KATNIP: variants seen among roughly 807,000 people sequenced by gnomAD.
KATNIP encodes the protein katanin-interacting protein.
In KATNIP, 126 loss-of-function variants were observed where a neutral mutation model predicts 174.0. That is an observed-to-expected ratio of 0.72 (90% CI 0.63 to 0.84). The LOEUF (loss-of-function observed/expected upper bound fraction) is 0.84, where lower values mean the gene tolerates loss of function less well. Ranked by LOEUF, KATNIP falls within the 40% of genes least tolerant of loss-of-function variation. The pLI, the probability that KATNIP is intolerant of heterozygous loss-of-function variation, is 0.00. For synonymous variants in KATNIP, 810 were observed against 835.7 expected, an observed-to-expected ratio of 0.97 and a Z score of 0.53; for missense variants, 1,958 against 2,109.7, an observed-to-expected ratio of 0.93 and a Z score of 1.41.
chr16:27,625,533 T>C (rs985858817), intron 3 of KATNIP, among the ~76,000 whole-genome samples: 4 of 152,262 alleles, frequency 2.6e-5, no homozygotes, highest in African/African-American at 9.6e-5. Flanking sequence ...TGTCTCTTAG[T>C]TACTTGTGTT....
intron 13 of KATNIP, among the ~76,000 whole-genome samples, chr16:27,715,913 C>T (rs1046871172): frequency 3.3e-5 from 5 of 151,766 alleles, no homozygotes; most frequent in Non-Finnish European, 7.4e-5. Context: ...TGTAGGGTTA[C>T]CCATGACCTA....
chr16:27,677,285 T>G (rs1428180854), intron 6 of KATNIP, among the ~76,000 whole-genome samples: 4 of 152,176 alleles, frequency 2.6e-5, no homozygotes, highest in Non-Finnish European at 5.9e-5. Context: ...GAGTTCATAT[T>G]TCAAAGTGTG....
intron 14 of KATNIP, among the ~76,000 whole-genome samples, chr16:27,723,622 TTGA>T (rs535771914): frequency 1.1e-3 from 160 of 152,274 alleles, no homozygotes; most frequent in African/African-American, 3.6e-3. Flanking sequence ...AAATACGTGG[TTGA>T]TGAATGAATG....
At chr16:27,639,955 G>C (rs1161660748) in intron 5 of KATNIP, among the ~76,000 whole-genome samples, 5 of 152,240 alleles carry the variant, frequency 3.3e-5, no homozygotes, top group Non-Finnish European at 7.3e-5. Flanking sequence ...CGTACCTCTA[G>C]AGGGAGCCAT....
At chr16:27,695,956 C>T (rs1243861836) in intron 8 of KATNIP, among the ~76,000 whole-genome samples, 1 of 152,034 alleles carries the variant, frequency 6.6e-6, no homozygotes, top group Non-Finnish European at 1.5e-5. Context: ...CAAATGGAAG[C>T]CTTCATATAA....
Position 27,773,196 on chromosome 16 carries a change from C to T in KATNIP, c.4296C>T (p.Pro1432=), listed in dbSNP as rs868099628. 5.6e-6 allele frequency: 9 copies of T among 1,608,208 alleles called. No individual in the cohort carries two copies. Among genetic ancestry groups the T allele is most frequent in the Middle Eastern group, 1.7e-4 (1 of 6,020 alleles). The change falls in exon 23 of 28, where the codon CCC becomes CCT. Residue 1432 remains proline, a synonymous_variant. Transcript: ENST00000261588. ...ELYDERGEKI[P]LSENNIAAFP... The stretch of plus-strand genomic sequence containing the variant: ...ATGACGAGCGAGGAGAAAAAATCCC[C>T]TTGTCGGAAAACAGTATCCTTTGTA...
intron 6 of KATNIP, among the ~76,000 whole-genome samples, chr16:27,661,955 TACACATAC>T (rs1291489310): frequency 1.7e-4 from 7 of 41,492 alleles, no homozygotes; most frequent in African/African-American, 2.4e-4. Flanking sequence ...TATATATATA[TACACATAC>T]ATATATATAT....
chr16:27,560,142 C>T (rs1596712374), intron 1 of KATNIP, among the ~76,000 whole-genome samples: 1 of 151,550 alleles, frequency 6.6e-6, no homozygotes, highest in Admixed American at 6.6e-5. Context: ...ATTAGCCGGG[C>T]GTGGTGGCGG....
intron 3 of KATNIP, among the ~76,000 whole-genome samples, chr16:27,625,881 T>C (rs953034134): frequency 6.7e-6 from 1 of 149,772 alleles, no homozygotes; most frequent in Non-Finnish European, 1.5e-5. Flanking sequence ...ACAAGGTCTC[T>C]GTCTGTCACC....
chr16:27,673,802 G>A (rs1459224386), intron 6 of KATNIP, among the ~76,000 whole-genome samples: 1 of 152,180 alleles, frequency 6.6e-6, no homozygotes, highest in East Asian at 1.9e-4. Context: ...TTTTATGGAT[G>A]TCAAGATGCA....
intron 1 of KATNIP, among the ~76,000 whole-genome samples, chr16:27,561,481 C>T (rs1030609892): frequency 6.6e-6 from 1 of 152,138 alleles, no homozygotes; most frequent in Non-Finnish European, 1.5e-5. Flanking sequence ...AGTGAAGTCA[C>T]TTTCTCTCCC....
intron 2 of KATNIP, among the ~76,000 whole-genome samples, chr16:27,600,831 G>A (rs547483978): frequency 3.3e-5 from 5 of 151,914 alleles, no homozygotes; most frequent in East Asian, 1.9e-4. Context: ...CCAGATTCAA[G>A]CGATTCTCCT....
intron 6 of KATNIP, among the ~76,000 whole-genome samples, chr16:27,657,226 T>C (rs1009472870): frequency 2.6e-5 from 4 of 151,990 alleles, no homozygotes; most frequent in African/African-American, 9.7e-5. Flanking sequence ...GTGTACATAT[T>C]GAGAAGGAAA....
intron 14 of KATNIP, chr16:27,727,380 C>T (rs2080491059): frequency 1.3e-5 from 2 of 152,952 alleles, no homozygotes; most frequent in Non-Finnish European, 2.9e-5. Context: ...TAGAGATAGG[C>T]TGGTCTCAAA....
chr16:27,553,084 G>T (rs1010494080), intron 1 of KATNIP, among the ~76,000 whole-genome samples: 1 of 152,152 alleles, frequency 6.6e-6, no homozygotes, highest in Non-Finnish European at 1.5e-5. Flanking sequence ...AAATCCATTG[G>T]TCTATCTTGC....
chr16:27,774,990 G>A lies in KATNIP; in HGVS notation c.4355G>A (p.Gly1452Asp). ...PDSVNSLEGV[G>D]GDVRTPDKLI... ...AGCGTGAACTCCCTGGAGGGTGTGGGCGGGGACGTCCGCACCCCAGACAAG... is the reference window on the plus strand; with the variant it reads ...AGCGTGAACTCCCTGGAGGGTGTGGACGGGGACGTCCGCACCCCAGACAAG... Residue 1452 changes from glycine to aspartate, a missense_variant, in exon 24 of 28, where the codon GGC becomes GAC. By Grantham distance (94) the Gly-to-Asp change is moderately conservative. This residue lies in a region of KATNIP where 383 missense variants were observed against 456.0 expected (regional missense o/e 0.84). Transcript: ENST00000261588. 3 of 1,613,850 alleles carry A rather than the reference G, an allele frequency of 1.9e-6. No homozygotes were observed. The highest frequency in any genetic ancestry group is 2.2e-5 in the South Asian group (2 of 91,072).
In KATNIP at chr16:27,766,370, C is replaced by T. The variant is rs1555495806; in HGVS notation, c.3871C>T (p.Pro1291Ser). 5 of 1,614,190 alleles carry T rather than the reference C, an allele frequency of 3.1e-6. No individual in the cohort carries two copies. Among genetic ancestry groups the T allele is most frequent in the Non-Finnish European group, 4.2e-6 (5 of 1,180,034 alleles). Residue 1291 changes from proline (P) to serine (S), a missense_variant, in exon 20 of 28, where the codon CCG becomes TCG. This residue lies in a region of KATNIP where 383 missense variants were observed against 456.0 expected (regional missense o/e 0.84). Transcript: ENST00000261588. ...DEHMWLIPFS[P>S]GLDHVVTIRL... is the part of the protein sequence containing the mutation. ...GCATATGTGGCTGATCCCCTTCTCG[C>T]CGGGGCTGGACCATGTGGTCACGAT...
intron 19 of KATNIP, among the ~76,000 whole-genome samples, chr16:27,762,917 G>A (rs2082002079): frequency 1.3e-5 from 2 of 152,202 alleles, no homozygotes; most frequent in African/African-American, 4.8e-5. Flanking sequence ...CAGATTATCT[G>A]TTGGCAAATC....
chr16:27,669,109 G>A (rs760909274), intron 6 of KATNIP, among the ~76,000 whole-genome samples: 1 of 152,182 alleles, frequency 6.6e-6, no homozygotes, highest in African/African-American at 2.4e-5. Flanking sequence ...TGTTTTTGAT[G>A]TTACAGTTAC....
Sources: gnomAD v4.1 joint callset for allele counts (sites outside exome capture counted in the v4.1 genomes callset) on GRCh38, gnomAD v4.1.1 for gene constraint, gnomAD v4.1.1 regional missense constraint, MANE v1.5 for transcripts, NCBI Gene and HGNC (gene_info 2026-07-23, HGNC 2026-07-21) for gene names.